Variants in SLC2A9 observed in about 807,000 individuals in gnomAD.
SLC2A9 encodes the protein solute carrier family 2, facilitated glucose transporter member 9.
SLC2A9 carries 39 observed loss-of-function variants against 50.6 expected under a neutral mutation model. That is an observed-to-expected ratio of 0.77 (90% CI 0.60 to 1.01). The LOEUF (loss-of-function observed/expected upper bound fraction) is 1.01, where lower values mean the gene tolerates loss of function less well. Ranked by LOEUF, SLC2A9 falls within the 50% of genes least tolerant of loss-of-function variation. SLC2A9 has a pLI of 0.00. For missense variants in SLC2A9, 686 were observed against 677.6 expected (o/e 1.01, Z -0.14); for synonymous variants, 324 against 276.9 (o/e 1.17, Z -1.69).
chr4:9,918,374 G>T (rs1325207564), intron 7 of SLC2A9, among the ~76,000 whole-genome samples: 1 of 152,182 alleles, frequency 6.6e-6, no homozygotes, highest in Non-Finnish European at 1.5e-5. Context: ...GTGTGGCTGT[G>T]ATGCTGGCAT....
chr4:9,988,253 T>C (rs1210203204), intron 3 of SLC2A9, among the ~76,000 whole-genome samples: 3 of 152,220 alleles, frequency 2.0e-5, no homozygotes, highest in African/African-American at 7.2e-5. Flanking sequence ...GATTTGCTGA[T>C]GGACTGGACA....
chr4:9,931,946 CTCTCTCTCTCTCTCTCTATATATA>C (rs1466634068), intron 6 of SLC2A9, among the ~76,000 whole-genome samples: 4 of 58,346 alleles, frequency 6.9e-5, no homozygotes, highest in East Asian at 4.4e-4. Flanking sequence ...CTCTCTCTCT[CTCTCTCTCTCTCTCTCTATATATA>C]TATATATATA....
At chr4:9,864,023 T>G (rs1282089551) in intron 10 of SLC2A9, among the ~76,000 whole-genome samples, 2 of 151,936 alleles carry the variant, frequency 1.3e-5, no homozygotes, top group Non-Finnish European at 2.9e-5. Flanking sequence ...GCCCTGGGAC[T>G]GGGGGGTTGC....
At chr4:9,857,287 G>T (rs1262699063) in intron 10 of SLC2A9, among the ~76,000 whole-genome samples, 1 of 152,140 alleles carries the variant, frequency 6.6e-6, no homozygotes, top group East Asian at 1.9e-4. Context: ...GCATTTGTTT[G>T]TTCATTCAGT....
intron 6 of SLC2A9, among the ~76,000 whole-genome samples, chr4:9,940,358 G>C (rs1266028117): frequency 1.3e-5 from 2 of 152,102 alleles, no homozygotes; most frequent in Non-Finnish European, 2.9e-5. Context: ...CCGTTTCCTG[G>C]TATCTCTCTG....
At chr4:9,803,361 A>G (rs187124676) in intron 3 of SLC2A9, among the ~76,000 whole-genome samples, 1 of 152,362 alleles carries the variant, frequency 6.6e-6, no homozygotes, top group East Asian at 1.9e-4. Flanking sequence ...AGCAGTATGC[A>G]TTGTCATTTA....
chr4:10,007,800 G>T (rs892750889), intron 2 of SLC2A9, among the ~76,000 whole-genome samples: 2 of 152,210 alleles, frequency 1.3e-5, no homozygotes, highest in Non-Finnish European at 2.9e-5. Flanking sequence ...ACTTCTGGAT[G>T]CTTGAGGTAG....
At chr4:9,776,886 T>C (rs1175933960), downstream of SLC2A9, among the ~76,000 whole-genome samples, 1 of 152,186 alleles carries the variant, frequency 6.6e-6, no homozygotes, top group Non-Finnish European at 1.5e-5. Flanking sequence ...CTCCTCTGTC[T>C]CATACCTCTC....
At chr4:9,915,629 A>T (rs965985826) in intron 7 of SLC2A9, among the ~76,000 whole-genome samples, 2 of 152,188 alleles carry the variant, frequency 1.3e-5, no homozygotes, top group Non-Finnish European at 2.9e-5. Flanking sequence ...CTTGTCCAAG[A>T]TCCCATAACT....
At chr4:9,782,220 C>A in intron 3 of SLC2A9, 1 of 1,612,482 alleles carries the variant, frequency 6.2e-7, no homozygotes. Flanking sequence ...GTGTGCGCAG[C>A]CATCGTGCGG....
chr4:9,823,591 T>C (rs967520002), downstream of SLC2A9, among the ~76,000 whole-genome samples: 1 of 152,194 alleles, frequency 6.6e-6, no homozygotes, highest in Admixed American at 6.5e-5. Flanking sequence ...AGCTATTCCA[T>C]TCTACTCATT....
chr4:9,939,464 C>G (rs550817505), intron 6 of SLC2A9, among the ~76,000 whole-genome samples: 52 of 152,266 alleles, frequency 3.4e-4, no homozygotes, highest in African/African-American at 1.1e-3. Context: ...CCCACAGTGC[C>G]GAGCATGGTG....
downstream of SLC2A9, among the ~76,000 whole-genome samples, chr4:9,795,512 C>T (rs944768008): frequency 6.6e-6 from 1 of 152,166 alleles, no homozygotes; most frequent in African/African-American, 2.4e-5. Context: ...TATTTTGAGT[C>T]ACTCAGTCTC....
upstream of SLC2A9, chr4:10,021,607 T>G (rs757985785): frequency 1.1e-6 from 1 of 879,974 alleles, no homozygotes; most frequent in Non-Finnish European, 1.8e-6. Flanking sequence ...TGCTCCTAAG[T>G]TATTACAGCA....
intron 10 of SLC2A9, among the ~76,000 whole-genome samples, chr4:9,881,501 G>A (rs922384926): frequency 6.6e-6 from 1 of 152,236 alleles, no homozygotes; most frequent in Non-Finnish European, 1.5e-5. Flanking sequence ...TTTCAGAGCT[G>A]AGGAACTATA....
At chr4:10,001,183 C>CAT (rs1759732978) in intron 2 of SLC2A9, among the ~76,000 whole-genome samples, 1 of 152,170 alleles carries the variant, frequency 6.6e-6, no homozygotes, top group Admixed American at 6.5e-5. Flanking sequence ...CTCCAAACTT[C>CAT]ATATGTTGAA....
intron 11 of SLC2A9, among the ~76,000 whole-genome samples, chr4:9,833,329 G>T (rs931642621): frequency 6.6e-6 from 1 of 152,194 alleles, no homozygotes; most frequent in Non-Finnish European, 1.5e-5. Context: ...AAGTTACAGG[G>T]TGTGGCAGCC....
rs751341466 is a variant in SLC2A9 at position 9,985,653 on chromosome 4, C to T, written c.535+16G>A. 5.9e-5 allele frequency: 96 copies of T among 1,613,872 alleles called. No homozygotes were observed. Among genetic ancestry groups the T allele is most frequent in the Non-Finnish European group, 7.4e-5 (87 of 1,179,872 alleles). ...GAGTATGTTACTGTTCCCTCCCCGT[C>T]ATGGTGAACTCTCACCTCCATCTAT... On this transcript the variant is annotated intron_variant, in intron 4 of 11. Transcript: ENST00000264784.
intron 2 of SLC2A9, among the ~76,000 whole-genome samples, chr4:9,999,831 G>T (rs538823452): frequency 1.3e-5 from 2 of 152,142 alleles, no homozygotes; most frequent in East Asian, 1.9e-4. Flanking sequence ...AGGCACACTT[G>T]GGGGGCACTG....
Sources: gnomAD v4.1 joint callset for allele counts (sites outside exome capture counted in the v4.1 genomes callset) on GRCh38, gnomAD v4.1.1 for gene constraint, MANE v1.5 for transcripts, NCBI Gene and HGNC (gene_info 2026-07-23, HGNC 2026-07-21) for gene names.